The following RBMS3 variants were observed in gnomAD, a reference collection of about 807,000 sequenced individuals.
The protein encoded by RBMS3 is RNA-binding motif, single-stranded-interacting protein 3.
Under a neutral mutation model 66.8 loss-of-function variants are expected in RBMS3, and 27 were observed. The observed-to-expected ratio is 0.40, with a 90% CI of 0.30 to 0.56. The LOEUF is 0.56. Ranked by LOEUF, RBMS3 falls within the 20% of genes least tolerant of loss-of-function variation. The pLI, the probability that RBMS3 is intolerant of heterozygous loss-of-function variation, is 0.40. For missense variants in RBMS3, 513 were observed against 549.5 expected (o/e 0.93, Z 0.66); for synonymous variants, 188 against 183.0 (o/e 1.03, Z -0.22).
chr3:29,289,798 C>T (rs983771423), intron 1 of RBMS3, among the ~76,000 whole-genome samples: 1 of 151,718 alleles, frequency 6.6e-6, no homozygotes, highest in Non-Finnish European at 1.5e-5. Context: ...TTGTTTTAGA[C>T]TTAACTTTCC....
In RBMS3 at chr3:29,528,943, C is replaced by T. The variant is rs185256006; in HGVS notation, c.307+40444C>T. On this transcript the variant is annotated intron_variant, in intron 3 of 14. Transcript: ENST00000383767. Reference sequence around the variant, plus strand: ...TTTTTTAGTAGAGATGGGGTTTCACCGTGTTGGCCAGGCTGGTCTCGAACT... The same window carrying T: ...TTTTTTAGTAGAGATGGGGTTTCACTGTGTTGGCCAGGCTGGTCTCGAACT... Among the ~76,000 whole-genome samples, 4 of 151,992 alleles carry T rather than the reference C, an allele frequency of 2.6e-5. No individual in the cohort carries two copies. The East Asian group carries it at 5.8e-4, about 22-fold the overall frequency.
chr3:29,881,130 T>G (rs921907309), intron 7 of RBMS3, among the ~76,000 whole-genome samples: 6 of 152,096 alleles, frequency 3.9e-5, no homozygotes, highest in Admixed American at 6.6e-5. Flanking sequence ...CACCTTTCCA[T>G]TTTTATTTAC....
chr3:29,503,362 G>C (rs2044050849), intron 3 of RBMS3, among the ~76,000 whole-genome samples: 1 of 151,568 alleles, frequency 6.6e-6, no homozygotes, highest in African/African-American at 2.4e-5. Flanking sequence ...ATTCCCTTCT[G>C]TCCTTTACGG....
chr3:29,914,739 A>G (rs918395784), intron 10 of RBMS3, among the ~76,000 whole-genome samples: 5 of 151,908 alleles, frequency 3.3e-5, no homozygotes, highest in African/African-American at 1.2e-4. Flanking sequence ...ATAAGTTAGG[A>G]AAATAGAGAT....
chr3:29,588,476 C>G (rs376998703), intron 4 of RBMS3, among the ~76,000 whole-genome samples: 29 of 152,174 alleles, frequency 1.9e-4, no homozygotes, highest in African/African-American at 7.0e-4. Context: ...CCTCAAATAA[C>G]TAGAGGTAAG....
intron 10 of RBMS3, among the ~76,000 whole-genome samples, chr3:29,902,838 G>A (rs1463577043): frequency 1.3e-5 from 2 of 151,880 alleles, no homozygotes; most frequent in African/African-American, 4.8e-5. Context: ...TTCTCTCTCA[G>A]GCTTGACTTA....
chr3:29,308,731 G>T (rs2034173037), intron 1 of RBMS3, among the ~76,000 whole-genome samples: 1 of 109,382 alleles, frequency 9.1e-6, no homozygotes, highest in African/African-American at 3.4e-5. Flanking sequence ...ATATAGCATA[G>T]TGATTAAAAA....
chr3:29,839,964 A>G (rs1434439851), intron 6 of RBMS3, among the ~76,000 whole-genome samples: 2 of 152,038 alleles, frequency 1.3e-5, no homozygotes, highest in East Asian at 1.9e-4. Flanking sequence ...ACCTATCACT[A>G]TTGAATATAC....
intron 6 of RBMS3, among the ~76,000 whole-genome samples, chr3:29,793,540 A>G (rs72846869): frequency 0.17 from 26,078 of 152,254 alleles, 2,442 homozygotes; most frequent in African/African-American, 0.2. Context: ...TAAGATGGAT[A>G]ATGATGCCTG....
intron 4 of RBMS3, among the ~76,000 whole-genome samples, chr3:29,701,764 T>G (rs896113837): frequency 1.3e-5 from 2 of 152,222 alleles, no homozygotes; most frequent in East Asian, 3.9e-4. Flanking sequence ...GCCGGCCCAC[T>G]GGCACTGCGC....
chr3:29,408,060 CAGG>C (rs761893886), intron 1 of RBMS3, among the ~76,000 whole-genome samples: 3 of 151,820 alleles, frequency 2.0e-5, no homozygotes, highest in Non-Finnish European at 4.4e-5. Context: ...ATCACGAGGT[CAGG>C]AGATCGAGAC....
intron 13 of RBMS3, among the ~76,000 whole-genome samples, chr3:29,989,498 T>G (rs1351361906): frequency 6.6e-6 from 1 of 152,160 alleles, no homozygotes; most frequent in African/African-American, 2.4e-5. Context: ...GCAACTACTG[T>G]GTTGGTACCA....
intron 4 of RBMS3, among the ~76,000 whole-genome samples, chr3:29,714,896 T>TTC (rs1384448280): frequency 2.6e-5 from 4 of 152,288 alleles, no homozygotes; most frequent in Non-Finnish European, 5.9e-5. Context: ...GTGAATCTTT[T>TTC]TCTCCTGGGC....
chr3:29,663,772 T>G (rs960797371), intron 4 of RBMS3, among the ~76,000 whole-genome samples: 34 of 152,156 alleles, frequency 2.2e-4, no homozygotes, highest in African/African-American at 8.2e-4. Flanking sequence ...AAAATTATAT[T>G]TCAGATACAG....
At chr3:29,438,433 A>C (rs2041483522) in intron 2 of RBMS3, among the ~76,000 whole-genome samples, 1 of 152,172 alleles carries the variant, frequency 6.6e-6, no homozygotes. Flanking sequence ...GAACGGTAAG[A>C]AAATTGTATT....
At chr3:29,469,042 T>C (rs757930982) in intron 2 of RBMS3, among the ~76,000 whole-genome samples, 12 of 152,106 alleles carry the variant, frequency 7.9e-5, no homozygotes, top group Non-Finnish European at 1.2e-4. Context: ...TCAGACCACA[T>C]ATTGGAACTA....
intron 1 of RBMS3, among the ~76,000 whole-genome samples, chr3:29,390,092 T>C (rs2039217040): frequency 6.6e-6 from 1 of 152,158 alleles, no homozygotes; most frequent in South Asian, 2.1e-4. Flanking sequence ...TTGATACCAC[T>C]CCTGTGAAAA....
chr3:29,306,131 G>A (rs542650691), intron 1 of RBMS3, among the ~76,000 whole-genome samples: 2 of 151,962 alleles, frequency 1.3e-5, no homozygotes, highest in African/African-American at 4.8e-5. Flanking sequence ...ATTTGATTTT[G>A]CATGTACGGC....
intron 12 of RBMS3, among the ~76,000 whole-genome samples, chr3:29,977,913 A>T (rs1396586744): frequency 6.6e-6 from 1 of 152,148 alleles, no homozygotes; most frequent in Non-Finnish European, 1.5e-5. Flanking sequence ...TCTAGTAAAA[A>T]AAAAAAAGCT....
Sources: allele counts gnomAD v4.1 joint callset (sites outside exome capture counted in the v4.1 genomes callset), GRCh38; gene constraint gnomAD v4.1.1; transcripts MANE v1.5; gene names NCBI Gene and HGNC (gene_info 2026-07-23, HGNC 2026-07-21).